FAM110B: variants seen among roughly 807,000 people sequenced by gnomAD.
The protein encoded by FAM110B is family with sequence similarity 110 member B.
In FAM110B, 6 loss-of-function variants were observed where a neutral mutation model predicts 20.4. The ratio of observed to expected loss-of-function variants is 0.29; its 90% CI spans 0.16 to 0.58. The LOEUF (loss-of-function observed/expected upper bound fraction) is 0.58. Among genes scored for constraint, FAM110B ranks in the 20% least tolerant of loss-of-function variants. FAM110B has a pLI of 0.90. For synonymous variants in FAM110B, 226 were observed against 214.1 expected, an observed-to-expected ratio of 1.06 and a Z score of -0.49; for missense variants, 434 against 498.2, an observed-to-expected ratio of 0.87 and a Z score of 1.23.
At chr8:58,042,539 A>G (rs1805242614) in intron 2 of FAM110B, among the ~76,000 whole-genome samples, 1 of 152,186 alleles carries the variant, frequency 6.6e-6, no homozygotes, top group Admixed American at 6.5e-5. Flanking sequence ...ATTTCTTCCA[A>G]GAGAACTAGT....
intron 3 of FAM110B, among the ~76,000 whole-genome samples, chr8:58,107,937 C>T (rs561662925): frequency 1.3e-5 from 2 of 152,210 alleles, no homozygotes; most frequent in Non-Finnish European, 2.9e-5. Flanking sequence ...ACATAGCTCA[C>T]AGTAAATCTG....
At chr8:58,045,399 C>G (rs1805300311) in intron 2 of FAM110B, among the ~76,000 whole-genome samples, 1 of 152,202 alleles carries the variant, frequency 6.6e-6, no homozygotes, top group Admixed American at 6.5e-5. Context: ...GCTCTATCCC[C>G]AGGGCCTGGC....
At chr8:58,061,134 G>T (rs987880724) in intron 2 of FAM110B, among the ~76,000 whole-genome samples, 1 of 152,130 alleles carries the variant, frequency 6.6e-6, no homozygotes, top group African/African-American at 2.4e-5. Flanking sequence ...TCTATTCAAC[G>T]ACTATAGAAA....
intron 3 of FAM110B, among the ~76,000 whole-genome samples, chr8:58,094,257 T>C (rs1175419430): frequency 1.3e-5 from 2 of 152,206 alleles, no homozygotes; most frequent in African/African-American, 2.4e-5. Flanking sequence ...TCTTGCCTGA[T>C]TGCCCTGGCC....
chr8:58,113,972 T>A (rs1035463933), intron 3 of FAM110B, among the ~76,000 whole-genome samples: 1 of 152,226 alleles, frequency 6.6e-6, no homozygotes, highest in Non-Finnish European at 1.5e-5. Flanking sequence ...CTGTCCTTTG[T>A]CCCTTTCTTT....
At chr8:58,060,415 A>G (rs893630572) in intron 2 of FAM110B, among the ~76,000 whole-genome samples, 1 of 152,250 alleles carries the variant, frequency 6.6e-6, no homozygotes, top group Admixed American at 6.5e-5. Flanking sequence ...TGAAGGCATG[A>G]GTGAGCACAG....
At chr8:57,998,503 T>G (rs2150560807) in intron 1 of FAM110B, among the ~76,000 whole-genome samples, 1 of 152,374 alleles carries the variant, frequency 6.6e-6, no homozygotes, top group Non-Finnish European at 1.5e-5. Flanking sequence ...ATTCATTTAT[T>G]TTATTTTAGA....
chr8:58,074,711 T>G (rs920035552), intron 2 of FAM110B, among the ~76,000 whole-genome samples: 6 of 152,172 alleles, frequency 3.9e-5, no homozygotes, highest in Non-Finnish European at 8.8e-5. Flanking sequence ...GGTGCTACAG[T>G]GCAGATGAAC....
At chr8:58,080,171 A>G (rs866497821) in intron 3 of FAM110B, among the ~76,000 whole-genome samples, 3 of 152,234 alleles carry the variant, frequency 2.0e-5, no homozygotes, top group African/African-American at 7.2e-5. Flanking sequence ...AGGCTCTTCT[A>G]TCAAACCTCT....
At chr8:58,139,481 T>A (rs1803692316) in intron 3 of FAM110B, among the ~76,000 whole-genome samples, 1 of 152,216 alleles carries the variant, frequency 6.6e-6, no homozygotes, top group South Asian at 2.1e-4. Context: ...GTCCAATTTA[T>A]AGTGTGCAAA....
At chr8:58,020,468 G>T (rs1363477732) in intron 1 of FAM110B, among the ~76,000 whole-genome samples, 1 of 152,154 alleles carries the variant, frequency 6.6e-6, no homozygotes, top group Non-Finnish European at 1.5e-5. Flanking sequence ...TGGAGATAAG[G>T]CTAAAGAGCT....
At chr8:58,082,388 C>T (rs1756540518) in intron 3 of FAM110B, among the ~76,000 whole-genome samples, 1 of 152,178 alleles carries the variant, frequency 6.6e-6, no homozygotes, top group Admixed American at 6.5e-5. Context: ...TCAGTCTAAA[C>T]TGTGAAGAAC....
At chr8:58,082,889 G>C (rs1806235558) in intron 3 of FAM110B, among the ~76,000 whole-genome samples, 3 of 148,440 alleles carry the variant, frequency 2.0e-5, no homozygotes, top group Admixed American at 2.0e-4. Context: ...CACACCTGTG[G>C]TCCCAGCTAC....
intron 1 of FAM110B, among the ~76,000 whole-genome samples, chr8:57,995,637 C>G (rs188134594): frequency 6.6e-6 from 1 of 152,176 alleles, no homozygotes; most frequent in Non-Finnish European, 1.5e-5. Context: ...TAAGCTGGCT[C>G]GTGGGGAAGG....
intron 3 of FAM110B, among the ~76,000 whole-genome samples, chr8:58,120,156 C>G (rs1807320553): frequency 1.3e-5 from 2 of 152,184 alleles, no homozygotes; most frequent in Non-Finnish European, 2.9e-5. Flanking sequence ...GATAGGCAAA[C>G]TATGTTTGCA....
chr8:58,109,286 G>A (rs13271652), intron 3 of FAM110B, among the ~76,000 whole-genome samples: 13,354 of 152,108 alleles, frequency 0.088, 777 homozygotes, highest in Middle Eastern at 0.13. Context: ...CCAACTAGCT[G>A]CAGAGTAAGA....
chr8:58,047,639 TTA>T (rs1311390058), intron 2 of FAM110B, among the ~76,000 whole-genome samples: 1 of 144,014 alleles, frequency 6.9e-6, no homozygotes, highest in Non-Finnish European at 1.5e-5. Context: ...TCTCTCTGAC[TTA>T]TATAAATCAA....
chr8:58,025,645 T>C (rs2150571047), intron 1 of FAM110B, among the ~76,000 whole-genome samples: 1 of 152,286 alleles, frequency 6.6e-6, no homozygotes, highest in Admixed American at 6.5e-5. Flanking sequence ...TGTGAGGTGA[T>C]GGTAATGACC....
intron 3 of FAM110B, among the ~76,000 whole-genome samples, chr8:58,107,219 A>G (rs1806942060): frequency 2.6e-5 from 4 of 152,246 alleles, no homozygotes; most frequent in Admixed American, 2.6e-4. Flanking sequence ...CTTATTGATT[A>G]CAGAACTTGA....
Sources: gnomAD v4.1 joint callset for allele counts (sites outside exome capture counted in the v4.1 genomes callset) on GRCh38, gnomAD v4.1.1 for gene constraint, MANE v1.5 for transcripts, NCBI Gene and HGNC (gene_info 2026-07-23, HGNC 2026-07-21) for gene names.